Variants in TREH observed in about 807,000 individuals in gnomAD.
TREH encodes the protein alpha,alpha-trehalose glucohydrolase.
TREH carries 69 observed loss-of-function variants against 80.5 expected under a neutral mutation model. The observed-to-expected ratio is 0.86, with a 90% CI of 0.71 to 1.05. TREH has a LOEUF of 1.05. Among genes scored for constraint, TREH ranks in the 50% least tolerant of loss-of-function variants. TREH has a pLI of 0.00. For synonymous variants in TREH, 309 were observed against 293.5 expected, an observed-to-expected ratio of 1.05 and a Z score of -0.54; for missense variants, 716 against 718.8, an observed-to-expected ratio of 1.00 and a Z score of 0.04.
rs782559422 is a variant in TREH, at chr11:118,679,632, G to C, written c.-5C>G. On this transcript the variant is annotated 5_prime_UTR_variant, in exon 1 of 15. Coordinates refer to ENST00000264029, the MANE Select transcript of TREH (RefSeq NM_007180.3). The stretch of plus-strand genomic sequence containing the variant: ...CTCCCAGGTCCTCCCTGGCATGGTG[G>C]CTGTGACTGTGACTGAATGAGCAAG... 6.7e-7 allele frequency: 1 copy of C among 1,501,114 alleles called. No homozygotes were observed. Among genetic ancestry groups the C allele is most frequent in the South Asian group, 1.3e-5 (1 of 75,048 alleles). 93.0% of individuals were successfully genotyped at this position (1,501,114 alleles called of 1,614,324 possible). A position where few individuals can be genotyped will look rare whatever the true frequency, so the allele number is the denominator to read the frequency against.
Position 118,658,019 on chromosome 11 carries a change from G to T in TREH, c.*270C>A, listed in dbSNP as rs1949220101. The T allele has an allele frequency of 4.0e-6, 2 of 504,508 alleles. No individual in the cohort carries two copies. The highest frequency in any genetic ancestry group is 6.2e-5 in the East Asian group (2 of 32,240). The allele number at this position is 504,508 out of a possible 1,614,324, so 31.3% of individuals were successfully genotyped here. On this transcript the variant is annotated 3_prime_UTR_variant, in exon 15 of 15. Coordinates refer to ENST00000264029, the MANE Select transcript of TREH (RefSeq NM_007180.3). The stretch of plus-strand genomic sequence containing the variant: ...TTTCAGCAGAACAATAAAGCCTTTG[G>T]ACTACGGAAGTGAGTGGAAGGCCGG...
At chr11:118,678,218 C>T (rs1433008217) in intron 1 of TREH, among the ~76,000 whole-genome samples, 1 of 152,188 alleles carries the variant, frequency 6.6e-6, no homozygotes, top group Non-Finnish European at 1.5e-5. Flanking sequence ...GCAATGGTTC[C>T]TGCCACAATT....
intron 1 of TREH, among the ~76,000 whole-genome samples, chr11:118,664,131 C>G (rs1286360069): frequency 6.6e-6 from 1 of 152,150 alleles, no homozygotes; most frequent in African/African-American, 2.4e-5. Flanking sequence ...CCTCTTTCCC[C>G]CTAGGGCCAA....
In TREH at chr11:118,661,104, G is replaced by T; in HGVS notation, c.857+56C>A. ...CTCCTCCTGCCCGGGGCATTGTGAT[G>T]CTCTAACCAGAGTGAGCAGGTAAGA... On this transcript the variant is annotated intron_variant, in intron 8 of 14. Coordinates refer to ENST00000264029, the MANE Select transcript of TREH (RefSeq NM_007180.3). The surrounding 1 kb of genome is among the most constrained non-coding windows in gnomAD (Gnocchi z 4.2). The T allele has an allele frequency of 6.2e-7, 1 of 1,611,996 alleles. No homozygotes were observed. Among genetic ancestry groups the T allele is most frequent in the Non-Finnish European group, 8.5e-7 (1 of 1,179,038 alleles).
intron 1 of TREH, among the ~76,000 whole-genome samples, chr11:118,666,748 G>A (rs1949381425): frequency 6.6e-6 from 1 of 152,176 alleles, no homozygotes; most frequent in South Asian, 2.1e-4. Flanking sequence ...AAGGTCTCCA[G>A]TTAAAATGAG....
intron 1 of TREH, among the ~76,000 whole-genome samples, chr11:118,676,720 TG>T (rs10719391): frequency 1 from 150,647 of 150,648 alleles, 75,323 homozygotes; most frequent in Non-Finnish European, 1. Flanking sequence ...TGAGCCAAAA[TG>T]CTCACCACTG....
chr11:118,663,460 G>A (rs1591831462), intron 1 of TREH, 21 bp from the exon 2 acceptor site: 3 of 1,553,720 alleles, frequency 1.9e-6, no homozygotes, highest in East Asian at 4.8e-5. Flanking sequence ...AGGGATAGGA[G>A]CAGGTCAGGT....
chr11:118,663,466 C>G (rs1949348299), intron 1 of TREH, 27 bp from the exon 2 acceptor site: 1 of 1,532,770 alleles, frequency 6.5e-7, no homozygotes, highest in Non-Finnish European at 8.9e-7. Flanking sequence ...AGGAGCAGGT[C>G]AGGTCACCAC....
Position 118,659,980 on chromosome 11 carries a change from C to A in TREH, c.1103-16G>T, listed in dbSNP as rs1324689272. On this transcript the variant is annotated splice_polypyrimidine_tract_variant and intron_variant, in intron 10 of 14. Transcript: ENST00000264029. ...GAGTCGTTCCCTGGGGCAGTGCTGC[C>A]TTTAGAGCCAGCAGCCAGTGCCCTG... 1 of 1,549,682 alleles carries A rather than the reference C, an allele frequency of 6.5e-7. No individual in the cohort carries two copies. Among genetic ancestry groups the A allele is most frequent in the Middle Eastern group, 1.7e-4 (1 of 5,988 alleles).
intron 1 of TREH, among the ~76,000 whole-genome samples, chr11:118,677,567 A>G (rs574268581): frequency 9.8e-5 from 15 of 152,294 alleles, no homozygotes; most frequent in Admixed American, 8.5e-4. Context: ...TCTACTAAAA[A>G]TACAAAAATT....
chr11:118,665,644 A>G (rs1465824906), intron 1 of TREH, among the ~76,000 whole-genome samples: 3 of 152,216 alleles, frequency 2.0e-5, no homozygotes, highest in African/African-American at 7.2e-5. Context: ...CGTCTCAAAA[A>G]AAACAAAAAA....
rs782498989 is a variant in TREH, at chr11:118,659,768, G to A, written c.1299C>T (p.Asp433=). ...AGCFSDPGVA[D]KALKYLEDNR... is the part of the protein sequence containing the mutation. The stretch of plus-strand genomic sequence containing the variant: ...TCACCTCCAGGTATTTCAGAGCCTT[G>A]TCCGCCACGCCAGGGTCAGAGAAAC... The change falls in exon 11 of 15, where the codon GAC becomes GAT. Residue 433 remains aspartate (D), a synonymous_variant. Transcript: ENST00000264029. 5.1e-6 allele frequency: 8 copies of A among 1,581,176 alleles called. No homozygotes were observed. The highest frequency in any genetic ancestry group is 6.9e-6 in the Non-Finnish European group (8 of 1,163,132).
intron 4 of TREH, 59 bp from the exon 5 acceptor site, chr11:118,662,049 G>T: frequency 1.4e-6 from 2 of 1,389,816 alleles, no homozygotes; most frequent in Non-Finnish European, 2.0e-6. Flanking sequence ...AGAGGCTACA[G>T]GCAGCTGGGG....
At chr11:118,669,118 G>A (rs1005012885) in intron 1 of TREH, among the ~76,000 whole-genome samples, 1 of 152,134 alleles carries the variant, frequency 6.6e-6, no homozygotes, top group Non-Finnish European at 1.5e-5. Flanking sequence ...GATCATCAGA[G>A]AAATGCAAAT....
At chr11:118,670,267 G>A (rs1206108482) in intron 1 of TREH, among the ~76,000 whole-genome samples, 3 of 152,040 alleles carry the variant, frequency 2.0e-5, no homozygotes, top group Non-Finnish European at 4.4e-5. Context: ...GCCTCACCAT[G>A]AATACCAAAG....
rs782258992 is a variant in TREH, at chr11:118,658,451, G to A, written c.1600-10C>T. On this transcript the variant is annotated splice_polypyrimidine_tract_variant and intron_variant, in intron 14 of 14. Transcript: ENST00000264029. ...TCCAGCCAAATCCCTCCTGGGAGAG[G>A]CAGGGCAGTGGGGCCAGTTTCTGGG... 6.2e-7 allele frequency: 1 copy of A among 1,610,138 alleles called. No homozygotes were observed. Among genetic ancestry groups the A allele is most frequent in the Non-Finnish European group, 8.5e-7 (1 of 1,178,982 alleles).
chr11:118,672,866 G>T (rs782108702), intron 1 of TREH, among the ~76,000 whole-genome samples: 2 of 151,996 alleles, frequency 1.3e-5, no homozygotes, highest in African/African-American at 2.4e-5. Context: ...GGGACCACTG[G>T]GATTTACTGG....
chr11:118,673,611 GC>G (rs1949449844), intron 1 of TREH, among the ~76,000 whole-genome samples: 4 of 152,174 alleles, frequency 2.6e-5, no homozygotes, highest in Admixed American at 2.6e-4. Flanking sequence ...TCTGCTTGTT[GC>G]CCCAGTTCCT....
At position 118,662,968 on chromosome 11, in the gene TREH, G is replaced by T; in HGVS notation, c.336C>A (p.Ser112Arg). ...QPWTPADWKD[S>R]PQFLQKISDA... The stretch of plus-strand genomic sequence containing the variant: ...CTGAAATCTTCTGCAGGAACTGGGG[G>T]CTGAAAGAACACAGGCCCCACAGGG... The change falls in exon 4 of 15, where the codon AGC becomes AGA. Residue 112 changes from serine (S) to arginine (R), a missense_variant and splice_region_variant. Coordinates refer to ENST00000264029, the MANE Select transcript of TREH (RefSeq NM_007180.3). The T allele has an allele frequency of 6.2e-7, 1 of 1,612,360 alleles. No homozygotes were observed. Among genetic ancestry groups the T allele is most frequent in the South Asian group, 1.1e-5 (1 of 90,788 alleles).
Sources: gnomAD v4.1 joint callset for allele counts (sites outside exome capture counted in the v4.1 genomes callset) on GRCh38, gnomAD v4.1.1 for gene constraint, Gnocchi (gnomAD v3.1) non-coding constraint, MANE v1.5 for transcripts, NCBI Gene and HGNC (gene_info 2026-07-23, HGNC 2026-07-21) for gene names.